The following ARHGAP45 variants were observed in gnomAD, a reference collection of about 807,000 sequenced individuals.
ARHGAP45 encodes rho GTPase-activating protein 45.
In ARHGAP45, 56 loss-of-function variants were observed where a neutral mutation model predicts 116.1. The ratio of observed to expected loss-of-function variants is 0.48; its 90% confidence interval spans 0.39 to 0.60. The LOEUF is 0.60. Ranked by LOEUF, ARHGAP45 falls within the 20% of genes least tolerant of loss-of-function variation. ARHGAP45 has a pLI of 0.00. For synonymous variants in ARHGAP45, 866 were observed against 701.7 expected, an observed-to-expected ratio of 1.23 and a Z score of -3.70; for missense variants, 1,622 against 1,601.0, an observed-to-expected ratio of 1.01 and a Z score of -0.22.
In ARHGAP45 at chr19:1,068,788, C is replaced by A; in HGVS notation, c.421+44C>A. The A allele has an allele frequency of 6.3e-7, 1 of 1,575,066 alleles. No individual in the cohort carries two copies. Among genetic ancestry groups the A allele is most frequent in the Non-Finnish European group, 8.7e-7 (1 of 1,149,226 alleles). On this transcript the variant is annotated intron_variant, in intron 2 of 22. Coordinates refer to ENST00000313093, the MANE Select transcript of ARHGAP45 (RefSeq NM_012292.5). The surrounding 1 kb of genome is among the most constrained non-coding windows in gnomAD (Gnocchi z 7.5). Reference sequence around the variant, plus strand: ...CCGAGGCCTGGGTGGAAGACAGAGCCAGACCCAAGGGAGGATGGAGGGAGG... The same window carrying A: ...CCGAGGCCTGGGTGGAAGACAGAGCAAGACCCAAGGGAGGATGGAGGGAGG...
At chr19:1,085,548 CATCT>C (rs1468762097) in intron 22 of ARHGAP45, 108 bp from the exon 23 acceptor site, 4 of 756,794 alleles carry the variant, frequency 5.3e-6, no homozygotes, top group Non-Finnish European at 8.5e-6. Context: ...CCTGTCTCTC[CATCT>C]CTCTCCCCCC....
At position 1,086,256 on chromosome 19, in the gene ARHGAP45, G is replaced by A. The variant is rs986801811; in HGVS notation, c.*250G>A. On this transcript the variant is annotated 3_prime_UTR_variant, in exon 23 of 23. Transcript: ENST00000313093. ...CTCAGCTGAGCTGGGGAACACTGCTGTCGTGTGAAGTCACAGTGGCCTTGT... is the reference window on the plus strand; with the variant it reads ...CTCAGCTGAGCTGGGGAACACTGCTATCGTGTGAAGTCACAGTGGCCTTGT... 2.0e-6 allele frequency: 1 copy of A among 499,372 alleles called. No homozygotes were observed. Among genetic ancestry groups the A allele is most frequent in the East Asian group, 3.4e-5 (1 of 29,340 alleles). The allele number at this position is 499,372 out of a possible 1,614,324, so 30.9% of individuals were successfully genotyped here. A position where few individuals can be genotyped will look rare whatever the true frequency, so the allele number is the denominator to read the frequency against.
chr19:1,074,271 C>G, intron 7 of ARHGAP45, 30 bp downstream of exon 7: 1 of 1,612,098 alleles, frequency 6.2e-7, no homozygotes, highest in Non-Finnish European at 8.5e-7. Flanking sequence ...CAGGGTGGGT[C>G]TGGAGGGAGG....
At chr19:1,082,469 G>T in intron 19 of ARHGAP45, 1 of 351,556 alleles carries the variant, frequency 2.8e-6, no homozygotes, top group South Asian at 3.9e-5. Flanking sequence ...GGCGGGACTG[G>T]GGCTAGGGGC....
In ARHGAP45 at chr19:1,068,308, T is replaced by C; in HGVS notation, c.91-106T>C. 1 of 1,013,406 alleles carries C rather than the reference T, an allele frequency of 9.9e-7. No homozygotes were observed. The highest frequency in any genetic ancestry group is 1.7e-5 in the South Asian group (1 of 58,714). 62.8% of individuals were successfully genotyped at this position (1,013,406 alleles called of 1,614,324 possible). A position where few individuals can be genotyped will look rare whatever the true frequency, so the allele number is the denominator to read the frequency against. On this transcript the variant is annotated intron_variant, in intron 1 of 22. Coordinates refer to ENST00000313093, the MANE Select transcript of ARHGAP45 (RefSeq NM_012292.5). This position sits in a 1 kb window ranked among gnomAD's most constrained non-coding sequence, Gnocchi z 7.5. ...CCTCTGGCCTTTGACCCCTGTGGGG[T>C]CAGGGTGATGGTGGCCCTCCACAGC...
chr19:1,075,636 T>C (rs566534119), intron 10 of ARHGAP45, among the ~76,000 whole-genome samples: 2 of 150,064 alleles, frequency 1.3e-5, no homozygotes, highest in African/African-American at 4.9e-5. Flanking sequence ...TGTTTTGAGA[T>C]AAGGTCTCGC....
At position 1,074,120 on chromosome 19, in the gene ARHGAP45, G is replaced by A. The variant is rs1294751194; in HGVS notation, c.807G>A (p.Glu269=). The change falls in exon 7 of 23, where the codon GAG becomes GAA. Residue 269 remains glutamate, a synonymous_variant. Coordinates refer to ENST00000313093, the MANE Select transcript of ARHGAP45 (RefSeq NM_012292.5). ...TCCCTGCAGGCTGCCTGCCCGCCGA[G>A]GAGGTGGACGTGCTGCTACAGCGCT... is the stretch of plus-strand genomic sequence containing the variant. ...EDCDAGCLPA[E]EVDVLLQRCE... 1 of 1,612,700 alleles carries A rather than the reference G, an allele frequency of 6.2e-7. No individual in the cohort carries two copies. Among genetic ancestry groups the A allele is most frequent in the Admixed American group, 1.7e-5 (1 of 59,960 alleles).
At chr19:1,083,735 C>T (rs938207784) in intron 21 of ARHGAP45, among the ~76,000 whole-genome samples, 1 of 152,186 alleles carries the variant, frequency 6.6e-6, no homozygotes. Context: ...GGTCAATTCC[C>T]CGCTTCAGAT....
At chr19:1,076,931 G>A (rs1462207272) in intron 10 of ARHGAP45, 2 of 680,126 alleles carry the variant, frequency 2.9e-6, no homozygotes, top group Non-Finnish European at 3.6e-6. Context: ...GTCTCACTAT[G>A]TTGACCAGGC....
rs1477408547 is a variant in ARHGAP45 at position 1,086,342 on chromosome 19, C to T, written c.*336C>T. ...TCCCTGCCCAGTGCATCCCCCAGGT[C>T]ATCACGGGGACGCAGGAGGCAGGCC... On this transcript the variant is annotated 3_prime_UTR_variant, in exon 23 of 23. Coordinates refer to ENST00000313093, the MANE Select transcript of ARHGAP45 (RefSeq NM_012292.5). 2 of 276,878 alleles carry T rather than the reference C, an allele frequency of 7.2e-6. No homozygotes were observed. Among genetic ancestry groups the T allele is most frequent in the East Asian group, 1.5e-4 (2 of 13,028 alleles). The allele number at this position is 276,878 out of a possible 1,614,324, so 17.2% of individuals were successfully genotyped here.
At position 1,080,360 on chromosome 19, in the gene ARHGAP45, A is replaced by T. The variant is rs528477332; in HGVS notation, c.1809A>T (p.Thr603=). ...AAGAAGGCGGGTGCACTGAGGGCAC[A>T]CCTGCCAAGGACCACAGGGGTGAGT... ...PPEEGGCTEG[T]PAKDHRAGRG... Residue 603 remains threonine (T), a synonymous_variant, in exon 14 of 23, where the codon ACA becomes ACT. Coordinates refer to ENST00000313093, the MANE Select transcript of ARHGAP45 (RefSeq NM_012292.5). 5 of 1,607,290 alleles carry T rather than the reference A, an allele frequency of 3.1e-6. No individual in the cohort carries two copies. Among genetic ancestry groups the T allele is most frequent in the African/African-American group, 1.3e-5 (1 of 74,790 alleles).
At chr19:1,066,170 G>A (rs2043027092), upstream of ARHGAP45, 5 of 1,535,366 alleles carry the variant, frequency 3.3e-6, no homozygotes, top group East Asian at 1.2e-4. Context: ...CGAGGTAGGT[G>A]GGAATGGGGT....
chr19:1,072,286 C>A (rs775202570), intron 2 of ARHGAP45, among the ~76,000 whole-genome samples: 1 of 152,202 alleles, frequency 6.6e-6, no homozygotes, highest in Non-Finnish European at 1.5e-5. Context: ...TCTCAAACTC[C>A]TGACCTCAAG....
intron 19 of ARHGAP45, 87 bp downstream of exon 19, chr19:1,082,048 C>T: frequency 7.4e-7 from 1 of 1,342,838 alleles, no homozygotes; most frequent in Non-Finnish European, 9.9e-7. Context: ...GGAGCTGGAG[C>T]AGGACTGAGC....
intron 10 of ARHGAP45, among the ~76,000 whole-genome samples, chr19:1,076,787 G>A (rs911610546): frequency 1.3e-5 from 2 of 151,952 alleles, no homozygotes; most frequent in African/African-American, 4.8e-5. Flanking sequence ...ATAAGACACC[G>A]TGCTTGGCTA....
upstream of ARHGAP45, chr19:1,066,091 G>T: frequency 6.5e-7 from 1 of 1,535,732 alleles, no homozygotes; most frequent in Non-Finnish European, 8.7e-7. Context: ...CCTGGGCCTG[G>T]AGAGCCAGAC....
rs201763617 is a variant in ARHGAP45 at position 1,085,912 on chromosome 19, A to G, written c.3317A>G (p.Asn1106Ser). 61 of 1,612,780 alleles carry G rather than the reference A, an allele frequency of 3.8e-5. No individual in the cohort carries two copies. The highest frequency in any genetic ancestry group is 4.8e-5 in the Non-Finnish European group (57 of 1,179,928). ...QLSGFNTNQSNNVLQAPLPPM... is the reference protein window; with the variant it reads ...QLSGFNTNQSSNVLQAPLPPM... ...TCAGGATTCAACACCAACCAGTCCAACAACGTGCTGCAGGCCCCACTGCCC... is the reference window on the plus strand; with the variant it reads ...TCAGGATTCAACACCAACCAGTCCAGCAACGTGCTGCAGGCCCCACTGCCC... Residue 1106 changes from asparagine (N) to serine (S), a missense_variant, in exon 23 of 23, where the codon AAC becomes AGC. Physicochemically the swap from Asn to Ser is conservative, Grantham distance 46 (BLOSUM62 1). Coordinates refer to ENST00000313093, the MANE Select transcript of ARHGAP45 (RefSeq NM_012292.5).
intron 18 of ARHGAP45, 32 bp downstream of exon 18, chr19:1,081,770 G>T: frequency 6.4e-7 from 1 of 1,565,748 alleles, no homozygotes; most frequent in Non-Finnish European, 8.7e-7. Flanking sequence ...CTCACAGCGA[G>T]GAGGCGGGAG....
chr19:1,070,745 A>G (rs1255927707), intron 2 of ARHGAP45, among the ~76,000 whole-genome samples: 1 of 151,314 alleles, frequency 6.6e-6, no homozygotes, highest in Non-Finnish European at 1.5e-5. Flanking sequence ...CCGCCTCCCA[A>G]AGTGCTGGGA....
Sources: allele counts gnomAD v4.1 joint callset (sites outside exome capture counted in the v4.1 genomes callset), GRCh38; gene constraint gnomAD v4.1.1; non-coding constraint Gnocchi (gnomAD v3.1); transcripts MANE v1.5; gene names NCBI Gene and HGNC (gene_info 2026-07-23, HGNC 2026-07-21).